The following CLIC6 variants were observed in gnomAD, a reference collection of about 807,000 sequenced individuals.
The protein encoded by CLIC6 is CLIC family member 6.
CLIC6 carries 39 observed loss-of-function variants against 49.2 expected under a neutral mutation model. The ratio of observed to expected loss-of-function variants is 0.79; its 90% CI spans 0.61 to 1.04. The LOEUF is 1.04. CLIC6 is among the 50% of genes least tolerant of loss of function. The pLI is 0.00. For missense variants in CLIC6, 988 were observed against 993.1 expected, an observed-to-expected ratio of 0.99 and a Z score of 0.07; for synonymous variants, 446 against 433.4, an observed-to-expected ratio of 1.03 and a Z score of -0.36.
In CLIC6 at chr21:34,694,526, G is replaced by T. The variant is rs182361569; in HGVS notation, c.1375-12754G>T. Among the ~76,000 whole-genome samples the T allele has an allele frequency of 1.4e-4, 22 of 152,216 alleles. No individual in the cohort carries two copies. The East Asian group carries it at 3.9e-3, about 27-fold the overall frequency. On this transcript the variant is annotated intron_variant, in intron 1 of 5. Transcript: ENST00000349499. Reference sequence around the variant, plus strand: ...AAGTTTTCACCATGTTGCCCAGGCTGAAATCTGGTTGTTTAAAACTGTGTG... The same window carrying T: ...AAGTTTTCACCATGTTGCCCAGGCTTAAATCTGGTTGTTTAAAACTGTGTG...
In CLIC6 at chr21:34,707,972, C is replaced by T; in HGVS notation, c.1513C>T (p.Pro505Ser). 6.2e-7 allele frequency: 1 copy of T among 1,614,106 alleles called. No individual in the cohort carries two copies. The highest frequency in any genetic ancestry group is 2.2e-5 in the East Asian group (1 of 44,878). Residue 505 changes from proline (P) to serine (S), a missense_variant, in exon 3 of 6, where the codon CCC becomes TCC. Transcript: ENST00000349499. ...ACCCGCAGACCTGCAGAACCTGGCT[C>T]CCGGAACAAACCCTCCTTTCATGAC... ...RKPADLQNLAPGTNPPFMTFD... is the reference protein window; with the variant it reads ...RKPADLQNLASGTNPPFMTFD...
Position 34,701,481 on chromosome 21 carries a change from C to T in CLIC6, c.1375-5799C>T, listed in dbSNP as rs545520579. 3.3e-5 allele frequency among the ~76,000 whole-genome samples: 5 copies of T among 152,204 alleles called. No homozygotes were observed. In the East Asian group the frequency reaches 7.7e-4, roughly 23 times the overall value. Reference sequence around the variant, plus strand: ...ATGATGATGTTGATGATGATAATGACAATAATAGCTACCTTTATTGGGTGC... The same window carrying T: ...ATGATGATGTTGATGATGATAATGATAATAATAGCTACCTTTATTGGGTGC... On this transcript the variant is annotated intron_variant, in intron 1 of 5. Coordinates refer to ENST00000349499, the MANE Select transcript of CLIC6 (RefSeq NM_053277.3).
In CLIC6 at chr21:34,679,671, C is replaced by A. The variant is rs138917238; in HGVS notation, c.1374+8909C>A. On this transcript the variant is annotated intron_variant, in intron 1 of 5. Coordinates refer to ENST00000349499, the MANE Select transcript of CLIC6 (RefSeq NM_053277.3). ...TGGGGGTACAGGCATTGGGTAAATA[C>A]ACCCACTCCAAGTGGGAGAAGTTGG... 2.0e-3 allele frequency among the ~76,000 whole-genome samples: 304 copies of A among 152,350 alleles called. 1 individual carries two copies. The highest frequency in any genetic ancestry group is 7.0e-3 in the African/African-American group (292 of 41,568).
chr21:34,669,816 A>G lies in CLIC6; in HGVS notation c.428A>G (p.Gln143Arg). The G allele has an allele frequency of 7.1e-7, 1 of 1,417,396 alleles. No individual in the cohort carries two copies. Among genetic ancestry groups the G allele is most frequent in the Non-Finnish European group, 9.1e-7 (1 of 1,095,238 alleles). 87.8% of individuals were successfully genotyped at this position (1,417,396 alleles called of 1,614,324 possible). Residue 143 changes from glutamine (Q) to arginine (R), a missense_variant, in exon 1 of 6, where the codon CAG becomes CGG. Coordinates refer to ENST00000349499, the MANE Select transcript of CLIC6 (RefSeq NM_053277.3). ...AAPERQEEAE[Q>R]RPEVPEGSAS... Reference sequence around the variant, plus strand: ...CCCGAGAGGCAGGAGGAGGCGGAGCAGAGGCCTGAGGTCCCGGAAGGTAGC... The same window carrying G: ...CCCGAGAGGCAGGAGGAGGCGGAGCGGAGGCCTGAGGTCCCGGAAGGTAGC...
At chr21:34,692,152 C>T (rs1469002377) in intron 1 of CLIC6, among the ~76,000 whole-genome samples, 1 of 152,070 alleles carries the variant, frequency 6.6e-6, no homozygotes. Flanking sequence ...AGCTTTGCCA[C>T]TTCTTCAGCC....
chr21:34,714,218 A>G (rs1364734990), intron 5 of CLIC6, among the ~76,000 whole-genome samples: 2 of 152,260 alleles, frequency 1.3e-5, no homozygotes, highest in Non-Finnish European at 2.9e-5. Flanking sequence ...TAAATCTGAA[A>G]CTAGTCCTAA....
At chr21:34,696,772 A>G (rs1246951253) in intron 1 of CLIC6, among the ~76,000 whole-genome samples, 1 of 152,088 alleles carries the variant, frequency 6.6e-6, no homozygotes, top group Non-Finnish European at 1.5e-5. Context: ...TCATCATCAC[A>G]TTTGTAAAAG....
intron 1 of CLIC6, among the ~76,000 whole-genome samples, chr21:34,675,130 C>A (rs1422297726): frequency 6.6e-6 from 1 of 151,830 alleles, no homozygotes; most frequent in East Asian, 1.9e-4. Flanking sequence ...AAAAAACTTG[C>A]ATTTGTATTC....
chr21:34,671,573 A>G (rs1989568129), intron 1 of CLIC6, among the ~76,000 whole-genome samples: 1 of 152,210 alleles, frequency 6.6e-6, no homozygotes, highest in South Asian at 2.1e-4. Context: ...ATGAAAAATG[A>G]AAGAACAAAG....
chr21:34,704,272 G>A (rs940215485), intron 1 of CLIC6, among the ~76,000 whole-genome samples: 4 of 152,078 alleles, frequency 2.6e-5, no homozygotes, highest in African/African-American at 4.8e-5. Context: ...GCGTATCTTC[G>A]CCTTTATTTT....
intron 5 of CLIC6, among the ~76,000 whole-genome samples, chr21:34,711,553 A>C (rs1331707319): frequency 1.3e-5 from 1 of 78,704 alleles, no homozygotes; most frequent in Non-Finnish European, 2.7e-5. Flanking sequence ...ATAAATAAAT[A>C]AATAAATAAA....
At chr21:34,686,890 C>T (rs1244915023) in intron 1 of CLIC6, among the ~76,000 whole-genome samples, 2 of 152,164 alleles carry the variant, frequency 1.3e-5, no homozygotes, top group African/African-American at 4.8e-5. Context: ...ACTGTCTTGG[C>T]CCCTCAGAGC....
chr21:34,706,451 A>G (rs2056015334), intron 1 of CLIC6, among the ~76,000 whole-genome samples: 2 of 152,156 alleles, frequency 1.3e-5, no homozygotes, highest in African/African-American at 4.8e-5. Flanking sequence ...TGGGACAAAT[A>G]TACAAACCAT....
rs574405121 is a variant in CLIC6, at chr21:34,669,990, A to T, written c.602A>T (p.Asp201Val). 2.2e-6 allele frequency: 3 copies of T among 1,379,786 alleles called. No individual in the cohort carries two copies. The African/African-American group carries it at 4.7e-5, about 21-fold the overall frequency. 85.5% of individuals were successfully genotyped at this position (1,379,786 alleles called of 1,614,324 possible). The change falls in exon 1 of 6, where the codon GAC (aspartate) becomes GTC (valine). Residue 201 changes from aspartate (D) to valine (V), a missense_variant. Transcript: ENST00000349499. ...GAAGGTCCGGCGGGGGACAGCGTAG[A>T]CGCGGAGGGCCCGCTGGGGGACAAC... is the stretch of plus-strand genomic sequence containing the variant. ...DAEGPAGDSV[D>V]AEGPLGDNIQ...
At chr21:34,671,416 C>A (rs1291808920) in intron 1 of CLIC6, among the ~76,000 whole-genome samples, 1 of 152,166 alleles carries the variant, frequency 6.6e-6, no homozygotes, top group Admixed American at 6.5e-5. Context: ...TGGAAGAATA[C>A]AAGATGCCGG....
At chr21:34,707,823 C>A in intron 2 of CLIC6, 121 bp from the exon 3 acceptor site, 1 of 985,672 alleles carries the variant, frequency 1.0e-6, no homozygotes, top group Non-Finnish European at 1.5e-6. Context: ...CATAAACCCA[C>A]CATCTACTTT....
chr21:34,700,758 A>G (rs1990174269), intron 1 of CLIC6, among the ~76,000 whole-genome samples: 1 of 139,170 alleles, frequency 7.2e-6, no homozygotes, highest in South Asian at 2.3e-4. Flanking sequence ...GTCAGAAGGG[A>G]CCTTAGCCTT....
In CLIC6 at chr21:34,716,682, G is replaced by C. The variant is rs2056087176; in HGVS notation, c.*200G>C. 2.3e-6 allele frequency: 1 copy of C among 425,876 alleles called. No homozygotes were observed. Among genetic ancestry groups the C allele is most frequent in the African/African-American group, 2.1e-5 (1 of 48,702 alleles). The allele number at this position is 425,876 out of a possible 1,614,324, so 26.4% of individuals were successfully genotyped here. The stretch of plus-strand genomic sequence containing the variant: ...TTCTTCAAAATGAAAATACTGCTTT[G>C]TAATTACAAAATGAGACACACCTAT... On this transcript the variant is annotated 3_prime_UTR_variant, in exon 6 of 6. Transcript: ENST00000349499.
chr21:34,679,504 CT>C lies in CLIC6; in HGVS notation c.1374+8743del, dbSNP rs1423831118. On this transcript the variant is annotated intron_variant, in intron 1 of 5. Transcript: ENST00000349499. ...CACATTTTAAAACACAATCATGCCC[CT>C]CCAACAGTCTCCCCAAAGTCTTAAC... Among the ~76,000 whole-genome samples, 11 of 152,200 alleles carry C rather than the reference CT, an allele frequency of 7.2e-5. 1 individual carries two copies. In the East Asian group the frequency reaches 2.1e-3, roughly 29 times the overall value.
Sources: gnomAD v4.1 joint callset for allele counts (sites outside exome capture counted in the v4.1 genomes callset) on GRCh38, gnomAD v4.1.1 for gene constraint, MANE v1.5 for transcripts, NCBI Gene and HGNC (gene_info 2026-07-23, HGNC 2026-07-21) for gene names.